The following RANBP2 variants were observed in gnomAD, a reference collection of about 807,000 sequenced individuals.
The protein encoded by RANBP2 is RAN binding protein 2.
Under a neutral mutation model 303.6 loss-of-function variants are expected in RANBP2, and 57 were observed. The ratio of observed to expected loss-of-function variants is 0.19; its 90% confidence interval spans 0.15 to 0.23. The LOEUF is 0.23. Among genes scored for constraint, RANBP2 ranks in the 10% least tolerant of loss-of-function variants. RANBP2 has a pLI of 1.00. For missense variants in RANBP2, 3,138 were observed against 3,780.8 expected (o/e 0.83, Z 4.46); for synonymous variants, 1,167 against 1,301.5 (o/e 0.90, Z 2.23).
the RANBP2 span, among the ~76,000 whole-genome samples, chr2:108,793,342 A>C: frequency 9.4e-3 from 1,434 of 152,192 alleles, 16 homozygotes; most frequent in Non-Finnish European, 0.011. Flanking sequence ...CAAAAAACAA[A>C]ACAAAACAAC....
chr2:109,030,787 T>G, the RANBP2 span, among the ~76,000 whole-genome samples: 1 of 152,166 alleles, frequency 6.6e-6, no homozygotes, highest in Non-Finnish European at 1.5e-5. Flanking sequence ...TAGGTCTCAC[T>G]ATGTTGCCCA....
the RANBP2 span, among the ~76,000 whole-genome samples, chr2:109,674,475 T>A: frequency 6.7e-6 from 1 of 150,342 alleles, no homozygotes; most frequent in Non-Finnish European, 1.5e-5. Context: ...TCCCAGCTAC[T>A]TGGGAGGCTG....
At chr2:109,585,249 G>T in the RANBP2 span, 1 of 1,613,144 alleles carries the variant, frequency 6.2e-7, no homozygotes, top group South Asian at 1.1e-5. Flanking sequence ...GCAAAAATGT[G>T]AGGATTCATA....
chr2:109,621,149 TTTG>T, the RANBP2 span, among the ~76,000 whole-genome samples: 4 of 151,986 alleles, frequency 2.6e-5, no homozygotes, highest in Admixed American at 6.6e-5. Flanking sequence ...AAGTTGTTGG[TTTG>T]TTGTTGTTGT....
downstream of RANBP2, chr2:108,788,788 C>T (rs1679400523): frequency 2.5e-6 from 4 of 1,597,908 alleles, no homozygotes; most frequent in Middle Eastern, 3.6e-4. Flanking sequence ...GACTTATGGC[C>T]AGTGCCAGAT....
At chr2:108,875,529 T>G in the RANBP2 span, among the ~76,000 whole-genome samples, 2 of 152,126 alleles carry the variant, frequency 1.3e-5, no homozygotes, top group South Asian at 4.1e-4. Flanking sequence ...TCTCACGCTC[T>G]CTAATAGTGA....
the RANBP2 span, chr2:109,436,958 G>T: frequency 1.2e-6 from 2 of 1,613,746 alleles, no homozygotes; most frequent in Non-Finnish European, 1.7e-6. Context: ...CTGGCCAAAG[G>T]GATAACCACA....
the RANBP2 span, among the ~76,000 whole-genome samples, chr2:109,350,118 A>G: frequency 1.3e-5 from 2 of 152,238 alleles, no homozygotes; most frequent in South Asian, 4.1e-4. Flanking sequence ...TCCATGTTCC[A>G]TATTTCACAA....
the RANBP2 span, among the ~76,000 whole-genome samples, chr2:109,093,185 A>G: frequency 6.6e-6 from 1 of 152,224 alleles, no homozygotes; most frequent in Non-Finnish European, 1.5e-5. Context: ...GAAGAGCAAT[A>G]GAAACGGCTC....
chr2:109,386,739 C>T, the RANBP2 span, among the ~76,000 whole-genome samples: 2 of 152,316 alleles, frequency 1.3e-5, no homozygotes, highest in South Asian at 2.1e-4. Flanking sequence ...TCACCTAGGG[C>T]TGGAAACAAA....
At chr2:109,662,116 G>A in the RANBP2 span, among the ~76,000 whole-genome samples, 1 of 152,096 alleles carries the variant, frequency 6.6e-6, no homozygotes, top group African/African-American at 2.4e-5. Flanking sequence ...GAGTCTTTCC[G>A]AGGGAGACTT....
At chr2:109,227,305 A>C in the RANBP2 span, among the ~76,000 whole-genome samples, 1 of 152,328 alleles carries the variant, frequency 6.6e-6, no homozygotes, top group East Asian at 1.9e-4. Flanking sequence ...TCAGGCACAC[A>C]AAGCTACACG....
At chr2:109,342,053 T>C in the RANBP2 span, among the ~76,000 whole-genome samples, 1 of 152,252 alleles carries the variant, frequency 6.6e-6, no homozygotes, top group Non-Finnish European at 1.5e-5. Context: ...TGTGTTCATC[T>C]TCCTGACACT....
At chr2:109,687,144 T>C in the RANBP2 span, among the ~76,000 whole-genome samples, 1 of 152,202 alleles carries the variant, frequency 6.6e-6, no homozygotes, top group Non-Finnish European at 1.5e-5. Context: ...AGGATTTTCT[T>C]TGTGTAGCTG....
the RANBP2 span, among the ~76,000 whole-genome samples, chr2:109,353,891 C>A: frequency 6.6e-6 from 1 of 152,156 alleles, no homozygotes; most frequent in Admixed American, 6.5e-5. Flanking sequence ...CCTCAGACCC[C>A]CTGAGGGGCC....
chr2:108,906,162 G>GT, the RANBP2 span: 4 of 780,176 alleles, frequency 5.1e-6, no homozygotes, highest in Admixed American at 2.1e-5. Context: ...ACCTGAAATA[G>GT]TTTCCAGCGG....
chr2:108,783,526 A>T, intron 28 of RANBP2, 70 bp from the exon 29 acceptor site: 1 of 1,184,512 alleles, frequency 8.4e-7, no homozygotes, highest in Non-Finnish European at 1.2e-6. Context: ...TGTGTATTTT[A>T]ATATTTTACT....
At chr2:108,752,461 C>T (rs1675962879) in intron 12 of RANBP2, among the ~76,000 whole-genome samples, 1 of 151,742 alleles carries the variant, frequency 6.6e-6, no homozygotes, top group African/African-American at 2.4e-5. Flanking sequence ...AGGATGGTAT[C>T]ATTAGAAGCG....
the RANBP2 span, among the ~76,000 whole-genome samples, chr2:109,778,290 A>C: frequency 1.5e-5 from 2 of 134,612 alleles, no homozygotes; most frequent in Non-Finnish European, 1.6e-5. Context: ...TCATTTTTTC[A>C]TTTGTAAAAT....
Sources: gnomAD v4.1 joint callset for allele counts (sites outside exome capture counted in the v4.1 genomes callset) on GRCh38, gnomAD v4.1.1 for gene constraint, MANE v1.5 for transcripts, NCBI Gene and HGNC (gene_info 2026-07-23, HGNC 2026-07-21) for gene names.